The following ULK4 variants were observed in gnomAD, a reference collection of about 807,000 sequenced individuals.
ULK4 encodes the protein unc-51 like kinase 4, also known as inactive serine/threonine-protein kinase ULK4.
Under a neutral mutation model 160.6 loss-of-function variants are expected in ULK4, and 133 were observed. The observed-to-expected ratio is 0.83, with a 90% CI of 0.72 to 0.96. The LOEUF is 0.96. Among genes scored for constraint, ULK4 ranks in the 40% least tolerant of loss-of-function variants. The pLI is 0.00. For synonymous variants in ULK4, 534 were observed against 539.8 expected (o/e 0.99, Z 0.15); for missense variants, 1,580 against 1,499.5 (o/e 1.05, Z -0.89).
chr3:41,403,748 C>G (rs2082233745), intron 34 of ULK4, among the ~76,000 whole-genome samples: 1 of 152,106 alleles, frequency 6.6e-6, no homozygotes, highest in African/African-American at 2.4e-5. Flanking sequence ...AAATTTTTCT[C>G]TCAGGACAGC....
chr3:41,511,293 A>G (rs1373402103), intron 32 of ULK4, among the ~76,000 whole-genome samples: 1 of 152,160 alleles, frequency 6.6e-6, no homozygotes, highest in Non-Finnish European at 1.5e-5. Flanking sequence ...CAAAGATCAG[A>G]GCAAAACTAA....
chr3:41,769,967 T>C (rs1463715545), intron 21 of ULK4, among the ~76,000 whole-genome samples: 1 of 152,178 alleles, frequency 6.6e-6, no homozygotes, highest in Admixed American at 6.5e-5. Context: ...TGACACTATT[T>C]TCCTATTTAA....
intron 22 of ULK4, among the ~76,000 whole-genome samples, chr3:41,744,029 A>C (rs2038333230): frequency 1.3e-5 from 2 of 151,984 alleles, no homozygotes; most frequent in Non-Finnish European, 2.9e-5. Flanking sequence ...GGCTATTATA[A>C]GTTATGTATG....
At chr3:41,336,645 C>T (rs2080563124) in intron 35 of ULK4, among the ~76,000 whole-genome samples, 1 of 152,200 alleles carries the variant, frequency 6.6e-6, no homozygotes, top group Admixed American at 6.5e-5. Context: ...TGACCACCTC[C>T]TTTACAAATG....
chr3:41,655,463 C>A (rs950368167), intron 30 of ULK4, among the ~76,000 whole-genome samples: 1 of 151,832 alleles, frequency 6.6e-6, no homozygotes, highest in Non-Finnish European at 1.5e-5. Context: ...ACCAACATGG[C>A]ACATGTATAC....
chr3:41,247,089 C>G, intron 36 of ULK4, 97 bp from the exon 37 acceptor site: 1 of 1,166,256 alleles, frequency 8.6e-7, no homozygotes, highest in East Asian at 2.6e-5. Flanking sequence ...ACCCGAGTAT[C>G]TGGTGGACCA....
rs184581802 is a variant in ULK4 at position 41,368,722 on chromosome 3, T to C, written c.3678+29357A>G. ...TGTTGTAGCATGTATCAGTACTTCA[T>C]TCCTTTTTATGACTGAATAATATTC... On this transcript the variant is annotated intron_variant, in intron 35 of 36. Transcript: ENST00000301831. Among the ~76,000 whole-genome samples, 38 of 152,356 alleles carry C rather than the reference T, an allele frequency of 2.5e-4. No homozygotes were observed. In the East Asian group the frequency reaches 6.9e-3, roughly 28 times the overall value.
At chr3:41,281,688 A>C (rs937971424) in intron 35 of ULK4, among the ~76,000 whole-genome samples, 1 of 152,236 alleles carries the variant, frequency 6.6e-6, no homozygotes, top group African/African-American at 2.4e-5. Context: ...ACCCACAGCC[A>C]ATATCATACT....
intron 29 of ULK4, among the ~76,000 whole-genome samples, chr3:41,673,351 G>A (rs1004608756): frequency 6.6e-6 from 1 of 152,044 alleles, no homozygotes; most frequent in African/African-American, 2.4e-5. Flanking sequence ...CACGACTTTT[G>A]CTGGACATTA....
chr3:41,363,965 C>T (rs1467007681), intron 35 of ULK4, among the ~76,000 whole-genome samples: 1 of 151,374 alleles, frequency 6.6e-6, no homozygotes, highest in Non-Finnish European at 1.5e-5. Context: ...GGGTCTCACT[C>T]TGTTGCCCAG....
At chr3:41,902,908 C>G (rs1698426554) in intron 12 of ULK4, among the ~76,000 whole-genome samples, 1 of 152,150 alleles carries the variant, frequency 6.6e-6, no homozygotes, top group Admixed American at 6.5e-5. Flanking sequence ...TAAAACAATG[C>G]CTGGCACTGC....
chr3:41,616,796 C>T lies in ULK4; in HGVS notation c.3072-1079G>A, dbSNP rs531600920. Among the ~76,000 whole-genome samples, 5 of 152,246 alleles carry T rather than the reference C, an allele frequency of 3.3e-5. No homozygotes were observed. The East Asian group carries it at 7.7e-4, about 24-fold the overall frequency. ...CCCATCTAGACAGAACCGTTCACTC[C>T]CCAGGGAAGGGGGCTGAAGCCAGGG... On this transcript the variant is annotated intron_variant, in intron 30 of 36. Transcript: ENST00000301831.
At chr3:41,354,961 G>A (rs2080999045) in intron 35 of ULK4, among the ~76,000 whole-genome samples, 1 of 152,166 alleles carries the variant, frequency 6.6e-6, no homozygotes, top group Non-Finnish European at 1.5e-5. Flanking sequence ...CTCTGAATAT[G>A]TGCCTCAAAG....
chr3:41,501,240 T>G (rs1470674985), intron 32 of ULK4, among the ~76,000 whole-genome samples: 1 of 152,096 alleles, frequency 6.6e-6, no homozygotes, highest in Non-Finnish European at 1.5e-5. Flanking sequence ...ATGCCTGTAA[T>G]CAATCCCAGC....
At chr3:41,450,268 A>G (rs536241893) in intron 34 of ULK4, among the ~76,000 whole-genome samples, 92 of 152,242 alleles carry the variant, frequency 6.0e-4, no homozygotes, top group African/African-American at 2.1e-3. Context: ...TATATTAGCC[A>G]TATCTTATAC....
chr3:41,931,735 A>G lies in ULK4; in HGVS notation c.541+109T>C, dbSNP rs916963323. ...ATGTCTGCTGGTCATTACCATTTTC[A>G]ATATCTTATTTGAGTGGCAAAACAA... On this transcript the variant is annotated intron_variant, in intron 5 of 36. Coordinates refer to ENST00000301831, the MANE Select transcript of ULK4 (RefSeq NM_017886.4). 3.0e-6 allele frequency: 4 copies of G among 1,339,422 alleles called. No individual in the cohort carries two copies. In the African/African-American group the frequency reaches 4.4e-5, roughly 15 times the overall value. 83.0% of individuals were successfully genotyped at this position (1,339,422 alleles called of 1,614,324 possible). A position where few individuals can be genotyped will look rare whatever the true frequency, so the allele number is the denominator to read the frequency against.
intron 32 of ULK4, among the ~76,000 whole-genome samples, chr3:41,533,966 C>T (rs1423396439): frequency 6.6e-6 from 1 of 152,102 alleles, no homozygotes; most frequent in Non-Finnish European, 1.5e-5. Flanking sequence ...CGCCACCACG[C>T]CCGGCTAATT....
intron 35 of ULK4, 140 bp from the exon 36 acceptor site, chr3:41,249,714 G>A: frequency 1.2e-6 from 1 of 804,340 alleles, no homozygotes; most frequent in South Asian, 1.8e-5. Context: ...GGGCTTGTCT[G>A]TAACCCCCAT....
chr3:41,887,527 T>G (rs1697766336), intron 16 of ULK4, among the ~76,000 whole-genome samples: 1 of 151,912 alleles, frequency 6.6e-6, no homozygotes, highest in Non-Finnish European at 1.5e-5. Flanking sequence ...CTTGTGAAAT[T>G]AGAAGCACTT....
Sources: gnomAD v4.1 joint callset for allele counts (sites outside exome capture counted in the v4.1 genomes callset) on GRCh38, gnomAD v4.1.1 for gene constraint, MANE v1.5 for transcripts, NCBI Gene and HGNC (gene_info 2026-07-23, HGNC 2026-07-21) for gene names.